NNT: variants seen among roughly 807,000 people sequenced by gnomAD.
The protein encoded by NNT is nicotinamide nucleotide transhydrogenase, also known as NAD(P) transhydrogenase, mitochondrial.
In NNT, 50 loss-of-function variants were observed where a neutral mutation model predicts 104.8. That is an observed-to-expected ratio of 0.48 (90% CI 0.38 to 0.60). The LOEUF (loss-of-function observed/expected upper bound fraction) is 0.60, where lower values mean the gene tolerates loss of function less well. Ranked by LOEUF, NNT falls within the 20% of genes least tolerant of loss-of-function variation. NNT has a pLI of 0.00. For missense variants in NNT, 1,131 were observed against 1,330.7 expected (o/e 0.85, Z 2.33); for synonymous variants, 461 against 490.4 (o/e 0.94, Z 0.79).
intron 10 of NNT, chr5:43,647,920 C>G (rs1739540983): frequency 4.4e-6 from 2 of 459,184 alleles, no homozygotes; most frequent in Non-Finnish European, 8.7e-6. Context: ...ATTTTCTCTT[C>G]CAGATGAAGA....
At chr5:43,640,099 C>T (rs1439404705) in intron 7 of NNT, among the ~76,000 whole-genome samples, 4 of 151,966 alleles carry the variant, frequency 2.6e-5, no homozygotes, top group African/African-American at 9.7e-5. Context: ...TCTAAAAATA[C>T]CTGATGTGCT....
chr5:43,631,235 T>C (rs1190318145), intron 7 of NNT, among the ~76,000 whole-genome samples: 2 of 152,000 alleles, frequency 1.3e-5, no homozygotes, highest in Non-Finnish European at 2.9e-5. Flanking sequence ...ATGAGGCCTG[T>C]GGTTGGTTTC....
chr5:43,671,857 C>G (rs149178790), intron 17 of NNT, among the ~76,000 whole-genome samples: 1 of 152,118 alleles, frequency 6.6e-6, no homozygotes, highest in African/African-American at 2.4e-5. Flanking sequence ...GAAGTTCTCC[C>G]GGATAATATC....
intron 4 of NNT, among the ~76,000 whole-genome samples, chr5:43,617,988 G>A (rs79866958): frequency 0.04 from 6,055 of 152,126 alleles, 405 homozygotes; most frequent in African/African-American, 0.14. Context: ...ACCTAGCAGG[G>A]GAGTTTTAAT....
At chr5:43,690,215 C>G (rs1484344798) in intron 19 of NNT, among the ~76,000 whole-genome samples, 2 of 152,204 alleles carry the variant, frequency 1.3e-5, no homozygotes, top group South Asian at 2.1e-4. Flanking sequence ...AGGAATTAAG[C>G]CTTCTCGATA....
chr5:43,653,989 T>C (rs1739908816), intron 14 of NNT, among the ~76,000 whole-genome samples: 1 of 152,074 alleles, frequency 6.6e-6, no homozygotes, highest in Non-Finnish European at 1.5e-5. Flanking sequence ...CCAGGAATTT[T>C]TAAAGTTGAT....
Position 43,639,720 on chromosome 5 carries a change from A to G in NNT, c.965-4472A>G, listed in dbSNP as rs188801103. ...CTTGATGTCCTACAGTTTTCTTGGC[A>G]AAAGTGTGGAAATAAGTCCCTCTGA... On this transcript the variant is annotated intron_variant, in intron 7 of 21. Transcript: ENST00000344920. 2.5e-3 allele frequency among the ~76,000 whole-genome samples: 378 copies of G among 152,286 alleles called. 10 individuals are homozygous for G. The highest frequency in any genetic ancestry group is 0.025 in the Admixed American group (375 of 15,268).
intron 4 of NNT, among the ~76,000 whole-genome samples, chr5:43,618,275 T>C (rs1209359779): frequency 6.6e-6 from 1 of 152,204 alleles, no homozygotes; most frequent in Non-Finnish European, 1.5e-5. Flanking sequence ...GATAGATGCT[T>C]TTTGTCCTTA....
chr5:43,655,114 G>A (rs1334294033), intron 14 of NNT, among the ~76,000 whole-genome samples: 2 of 152,150 alleles, frequency 1.3e-5, no homozygotes, highest in Non-Finnish European at 2.9e-5. Context: ...CATGTTCCAG[G>A]TGTTTCTTAT....
At chr5:43,664,241 T>C (rs1417838782) in intron 17 of NNT, among the ~76,000 whole-genome samples, 1 of 152,230 alleles carries the variant, frequency 6.6e-6, no homozygotes, top group Non-Finnish European at 1.5e-5. Context: ...AACCTCTTTA[T>C]GATTTTACAG....
chr5:43,706,480 A>G lies in NNT; in HGVS notation c.*2076A>G, dbSNP rs1030144815. The stretch of plus-strand genomic sequence containing the variant: ...AGTCTGTCACCAAAAAAAAAAAATT[A>G]TCTGTAGGTAGTGAAATGCTAATGT... On this transcript the variant is annotated 3_prime_UTR_variant, in exon 22 of 22. Coordinates refer to ENST00000344920, the MANE Select transcript of NNT (RefSeq NM_182977.3). 6 of 151,668 alleles carry G rather than the reference A, an allele frequency of 4.0e-5. No individual in the cohort carries two copies. The highest frequency in any genetic ancestry group is 1.4e-4 in the African/African-American group (6 of 41,390). 9.4% of individuals were successfully genotyped at this position (151,668 alleles called of 1,614,324 possible). A position where few individuals can be genotyped will look rare whatever the true frequency, so the allele number is the denominator to read the frequency against.
chr5:43,602,809 G>T (rs1748994332), upstream of NNT: 1 of 152,282 alleles, frequency 6.6e-6, no homozygotes, highest in South Asian at 2.1e-4. Flanking sequence ...ACCCCAGAGA[G>T]GACATCACGC....
At position 43,668,131 on chromosome 5, in the gene NNT, G is replaced by A. The variant is rs149957393; in HGVS notation, c.2635-7380G>A. ...TGATGGGATTGTTTGTTTTTTTCTT[G>A]TAAATTTGTTTGGTTTAGTTCTTTG... is the stretch of plus-strand genomic sequence containing the variant. On this transcript the variant is annotated intron_variant, in intron 17 of 21. Coordinates refer to ENST00000344920, the MANE Select transcript of NNT (RefSeq NM_182977.3). Among the ~76,000 whole-genome samples, 1,459 of 151,986 alleles carry A rather than the reference G, an allele frequency of 9.6e-3. 11 individuals are homozygous for A. Among genetic ancestry groups the A allele is most frequent in the Middle Eastern group, 0.051 (15 of 294 alleles).
chr5:43,609,961 C>A (rs1749418816), intron 2 of NNT, among the ~76,000 whole-genome samples: 1 of 152,142 alleles, frequency 6.6e-6, no homozygotes, highest in Non-Finnish European at 1.5e-5. Flanking sequence ...TTTACCTCTG[C>A]CCCCTACAGT....
intron 1 of NNT, among the ~76,000 whole-genome samples, chr5:43,606,844 C>T (rs1310827855): frequency 6.6e-6 from 1 of 152,156 alleles, no homozygotes; most frequent in Non-Finnish European, 1.5e-5. Context: ...AAACTCTGCC[C>T]TTGGTATATA....
At chr5:43,678,446 A>G (rs1050483253) in intron 19 of NNT, among the ~76,000 whole-genome samples, 2 of 152,184 alleles carry the variant, frequency 1.3e-5, no homozygotes, top group South Asian at 2.1e-4. Context: ...GTCAACTCAA[A>G]TATTATCGAC....
intron 7 of NNT, among the ~76,000 whole-genome samples, chr5:43,635,169 A>C (rs1750869541): frequency 1.3e-5 from 2 of 152,192 alleles, no homozygotes; most frequent in South Asian, 2.1e-4. Context: ...GAGTTTTGCT[A>C]TAACAGATTA....
At chr5:43,670,288 C>T (rs919586313) in intron 17 of NNT, among the ~76,000 whole-genome samples, 29 of 152,200 alleles carry the variant, frequency 1.9e-4, no homozygotes, top group African/African-American at 6.7e-4. Flanking sequence ...TCCTCCAGTT[C>T]TGCTCTGATC....
chr5:43,618,389 C>A (rs375296958), intron 4 of NNT, among the ~76,000 whole-genome samples: 3 of 152,246 alleles, frequency 2.0e-5, no homozygotes, highest in African/African-American at 7.2e-5. Context: ...GTCAGTATAT[C>A]GGAAAATCCC....
Sources: allele counts gnomAD v4.1 joint callset (sites outside exome capture counted in the v4.1 genomes callset), GRCh38; gene constraint gnomAD v4.1.1; transcripts MANE v1.5; gene names NCBI Gene and HGNC (gene_info 2026-07-23, HGNC 2026-07-21).